BCL7C: variants seen among roughly 807,000 people sequenced by gnomAD.
The protein encoded by BCL7C is B-cell CLL/lymphoma 7 protein family member C.
A neutral mutation model predicts 26.2 loss-of-function variants in BCL7C; 8 were observed. The ratio of observed to expected loss-of-function variants is 0.30; its 90% confidence interval spans 0.18 to 0.55. The LOEUF (loss-of-function observed/expected upper bound fraction) is 0.55, where lower values mean the gene tolerates loss of function less well. Among genes scored for constraint, BCL7C ranks in the 20% least tolerant of loss-of-function variants. The pLI is 0.93. For synonymous variants in BCL7C, 90 were observed against 116.5 expected (o/e 0.77, Z 1.47); for missense variants, 262 against 298.5 (o/e 0.88, Z 0.90).
chr16:30,860,660 G>A (rs564403422), intron 5 of BCL7C, among the ~76,000 whole-genome samples: 42 of 152,138 alleles, frequency 2.8e-4, no homozygotes, highest in African/African-American at 9.6e-4. Context: ...TTGTAAAATG[G>A]GCAAATGGTC....
At chr16:30,850,209 C>CAAAA (rs778231654) in intron 5 of BCL7C, among the ~76,000 whole-genome samples, 19 of 86,492 alleles carry the variant, frequency 2.2e-4, no homozygotes, top group Admixed American at 5.5e-4. Flanking sequence ...GACTCCATCT[C>CAAAA]AAAAAAAAAA....
At chr16:30,850,037 A>G (rs189845658) in intron 5 of BCL7C, among the ~76,000 whole-genome samples, 43 of 151,662 alleles carry the variant, frequency 2.8e-4, no homozygotes, top group Non-Finnish European at 4.6e-4. Flanking sequence ...GTGAAACCCC[A>G]TCTCTACTAA....
At chr16:30,855,752 CT>C in intron 5 of BCL7C, among the ~76,000 whole-genome samples, 1 of 152,028 alleles carries the variant, frequency 6.6e-6, no homozygotes, top group East Asian at 1.9e-4. Flanking sequence ...TAGCGAGCCC[CT>C]GTCTCTATTT....
chr16:30,855,152 G>A (rs1397003930), intron 5 of BCL7C, among the ~76,000 whole-genome samples: 1 of 152,176 alleles, frequency 6.6e-6, no homozygotes, highest in Non-Finnish European at 1.5e-5. Context: ...ATGGTGCTGA[G>A]AGAGCTATGC....
Position 30,893,145 on chromosome 16 carries a change from C to A in BCL7C, c.171+67G>T. Reference sequence around the variant, plus strand: ...GTCTCGGGGAGCTGGAGGTAGAGGTCAGCGTGGGGAGGAACTTGCCTGAGG... The same window carrying A: ...GTCTCGGGGAGCTGGAGGTAGAGGTAAGCGTGGGGAGGAACTTGCCTGAGG... On this transcript the variant is annotated intron_variant, in intron 2 of 5. Coordinates refer to ENST00000215115, the MANE Select transcript of BCL7C (RefSeq NM_004765.4). The surrounding 1 kb of genome is among the most constrained non-coding windows in gnomAD (Gnocchi z 5.2). The A allele has an allele frequency of 2.0e-6, 3 of 1,521,370 alleles. No homozygotes were observed. The highest frequency in any genetic ancestry group is 1.2e-5 in the South Asian group (1 of 84,486). 94.2% of individuals were successfully genotyped at this position (1,521,370 alleles called of 1,614,324 possible).
At chr16:30,871,963 C>T (rs954292633) in intron 5 of BCL7C, among the ~76,000 whole-genome samples, 7 of 152,052 alleles carry the variant, frequency 4.6e-5, no homozygotes, top group Non-Finnish European at 1.0e-4. Context: ...TGAGTTAAAT[C>T]GGTGTTGAAC....
At chr16:30,860,351 TGGCTGCTCACCCACATTGCAGCCCAG>T (rs984855270) in intron 5 of BCL7C, among the ~76,000 whole-genome samples, 2 of 152,196 alleles carry the variant, frequency 1.3e-5, no homozygotes, top group African/African-American at 2.4e-5. Flanking sequence ...ACGCCTGCTT[TGGCTGCTCACCCACATTGCAGCCCAG>T]GGCTGCTCAC....
rs1187827463 is a variant in BCL7C at position 30,879,689 on chromosome 16, C to CA, written c.528+9170dup. Among the ~76,000 whole-genome samples the CA allele has an allele frequency of 3.2e-3, 95 of 29,400 alleles. 8 individuals are homozygous for CA. The highest frequency in any genetic ancestry group is 5.9e-3 in the African/African-American group (46 of 7,768). The allele number at this position is 29,400 out of a possible 152,430, so 19.3% of individuals were successfully genotyped here. A position where few individuals can be genotyped will look rare whatever the true frequency, so the allele number is the denominator to read the frequency against. ...AACACAGAGAGACTCCCCTTCTCTA[C>CA]AAAAAAAAAAAAAAAAAAAACTGGG... On this transcript the variant is annotated intron_variant, in intron 5 of 5. Coordinates refer to the BCL7C transcript ENST00000380317.
chr16:30,877,645 T>C (rs7199621), intron 5 of BCL7C, among the ~76,000 whole-genome samples: 6,662 of 149,390 alleles, frequency 0.045, 476 homozygotes, highest in African/African-American at 0.16. Flanking sequence ...TTCACCGTGT[T>C]AGCCAGGATG....
chr16:30,856,359 T>C (rs2054721586), intron 5 of BCL7C, among the ~76,000 whole-genome samples: 1 of 149,528 alleles, frequency 6.7e-6, no homozygotes, highest in Non-Finnish European at 1.5e-5. Flanking sequence ...GAGAATCACT[T>C]GAACCCAGGA....
chr16:30,852,370 AAAGT>A (rs2054682931), intron 5 of BCL7C: 5 of 152,240 alleles, frequency 3.3e-5, no homozygotes, highest in Admixed American at 3.3e-4. Flanking sequence ...TTAAAAAAAT[AAAGT>A]GAGAAATGAC....
intron 5 of BCL7C, among the ~76,000 whole-genome samples, chr16:30,865,936 T>C (rs2054822664): frequency 6.6e-6 from 1 of 150,730 alleles, no homozygotes; most frequent in South Asian, 2.1e-4. Context: ...CGTTTCACTA[T>C]GTTGGCTAAG....
downstream of BCL7C, among the ~76,000 whole-genome samples, chr16:30,884,406 A>G (rs889612334): frequency 2.0e-5 from 3 of 152,042 alleles, no homozygotes; most frequent in Non-Finnish European, 4.4e-5. Context: ...GTCCCAGGCC[A>G]AAGGCTGTCT....
chr16:30,862,694 T>C (rs2054788686), intron 5 of BCL7C, among the ~76,000 whole-genome samples: 1 of 152,114 alleles, frequency 6.6e-6, no homozygotes, highest in South Asian at 2.1e-4. Context: ...GTTGATCGTG[T>C]CCGGATAATC....
At chr16:30,880,521 A>C (rs1414410598) in intron 5 of BCL7C, among the ~76,000 whole-genome samples, 1 of 146,484 alleles carries the variant, frequency 6.8e-6, no homozygotes, top group Non-Finnish European at 1.5e-5. Flanking sequence ...AACATGGTGA[A>C]ACCCCGTCTC....
Position 30,893,042 on chromosome 16 carries a change from A to G in BCL7C, c.172-94T>C, listed in dbSNP as rs897318822. On this transcript the variant is annotated intron_variant, in intron 2 of 5. Coordinates refer to ENST00000215115, the MANE Select transcript of BCL7C (RefSeq NM_004765.4). The surrounding 1 kb of genome is among the most constrained non-coding windows in gnomAD (Gnocchi z 5.2). Reference sequence around the variant, plus strand: ...CTGAGAAGCAAAAGGGCTCAAACTCAGGGGGTGTGGAGCAGAAAAGAGGGC... The same window carrying G: ...CTGAGAAGCAAAAGGGCTCAAACTCGGGGGGTGTGGAGCAGAAAAGAGGGC... The G allele has an allele frequency of 7.5e-7, 1 of 1,328,868 alleles. No individual in the cohort carries two copies. The highest frequency in any genetic ancestry group is 1.1e-6 in the Non-Finnish European group (1 of 949,516). The allele number at this position is 1,328,868 out of a possible 1,614,324, so 82.3% of individuals were successfully genotyped here. A position where few individuals can be genotyped will look rare whatever the true frequency, so the allele number is the denominator to read the frequency against.
At chr16:30,862,114 G>A (rs1293241695) in intron 5 of BCL7C, among the ~76,000 whole-genome samples, 4 of 151,986 alleles carry the variant, frequency 2.6e-5, no homozygotes, top group Non-Finnish European at 5.9e-5. Context: ...GGGATTACAG[G>A]TGTGAGCCAC....
chr16:30,858,007 G>A (rs1182057798), intron 5 of BCL7C, among the ~76,000 whole-genome samples: 1 of 150,880 alleles, frequency 6.6e-6, no homozygotes, highest in African/African-American at 2.4e-5. Flanking sequence ...AGAAAGAAAA[G>A]CCATGCCTTG....
chr16:30,853,506 TC>T (rs2054694522), intron 5 of BCL7C, among the ~76,000 whole-genome samples: 1 of 152,176 alleles, frequency 6.6e-6, no homozygotes, highest in Non-Finnish European at 1.5e-5. Flanking sequence ...TATCACTCTT[TC>T]AAAAAATGTC....
Sources: gnomAD v4.1 joint callset for allele counts (sites outside exome capture counted in the v4.1 genomes callset) on GRCh38, gnomAD v4.1.1 for gene constraint, Gnocchi (gnomAD v3.1) non-coding constraint, MANE v1.5 for transcripts, NCBI Gene and HGNC (gene_info 2026-07-23, HGNC 2026-07-21) for gene names.